Variants in GLYATL3 observed in about 807,000 individuals in gnomAD.
GLYATL3 encodes glycine N-acyltransferase-like protein 3.
GLYATL3 carries 31 observed loss-of-function variants against 28.5 expected under a neutral mutation model. The observed-to-expected ratio is 1.09, with a 90% CI of 0.82 to 1.47. GLYATL3 has a LOEUF of 1.47. Among genes scored for constraint, GLYATL3 ranks in the 40% most tolerant of loss-of-function variants. GLYATL3 has a pLI of 0.00. For synonymous variants in GLYATL3, 141 were observed against 140.2 expected, an observed-to-expected ratio of 1.01 and a Z score of -0.04; for missense variants, 369 against 351.5, an observed-to-expected ratio of 1.05 and a Z score of -0.40.
chr6:49,508,368 A>G (rs574813251), intron 1 of GLYATL3, among the ~76,000 whole-genome samples: 1 of 152,324 alleles, frequency 6.6e-6, no homozygotes, highest in South Asian at 2.1e-4. Context: ...ATGATTAGCA[A>G]GATATTAATC....
At chr6:49,501,313 G>C (rs562546592) in intron 1 of GLYATL3, among the ~76,000 whole-genome samples, 7 of 152,276 alleles carry the variant, frequency 4.6e-5, no homozygotes, top group South Asian at 4.2e-4. Flanking sequence ...GCAATGCAAC[G>C]GGGCTCTCTC....
intron 1 of GLYATL3, among the ~76,000 whole-genome samples, chr6:49,508,979 A>C (rs1161352391): frequency 7.1e-6 from 1 of 139,962 alleles, no homozygotes; most frequent in Non-Finnish European, 1.6e-5. Context: ...TGTGTCAAAA[A>C]TAATAATAAT....
chr6:49,516,477 G>A (rs1769216903), intron 3 of GLYATL3, among the ~76,000 whole-genome samples: 1 of 152,042 alleles, frequency 6.6e-6, no homozygotes. Flanking sequence ...CATCTGCCCC[G>A]AGACCAAGGA....
Position 49,511,968 on chromosome 6 carries a change from G to C in GLYATL3, c.-23G>C, listed in dbSNP as rs776917224. 1 of 1,208,700 alleles carries C rather than the reference G, an allele frequency of 8.3e-7. No individual in the cohort carries two copies. The highest frequency in any genetic ancestry group is 1.5e-5 in the South Asian group (1 of 68,634). The allele number at this position is 1,208,700 out of a possible 1,614,324, so 74.9% of individuals were successfully genotyped here. On this transcript the variant is annotated 5_prime_UTR_variant, in exon 2 of 6. Coordinates refer to ENST00000371197, the MANE Select transcript of GLYATL3 (RefSeq NM_001010904.2). Reference sequence around the variant, plus strand: ...ACCTTCAAGTTTCTAATTAGGTGTGGAGTTGCAAGAGCTCTGGAAAAGATG... The same window carrying C: ...ACCTTCAAGTTTCTAATTAGGTGTGCAGTTGCAAGAGCTCTGGAAAAGATG...
In GLYATL3 at chr6:49,517,157, T is replaced by TAA. The variant is rs35821614; in HGVS notation, c.187-260_187-259dup. ...CCTTGCAACAGAGTGAGACTCTGTC[T>TAA]AAAAAAAAAAAAAAGAAAAGAAAGA... On this transcript the variant is annotated intron_variant, in intron 3 of 5. Coordinates refer to ENST00000371197, the MANE Select transcript of GLYATL3 (RefSeq NM_001010904.2). Among the ~76,000 whole-genome samples the TAA allele has an allele frequency of 4.5e-3, 611 of 134,468 alleles. 3 individuals are homozygous for TAA. Among genetic ancestry groups the TAA allele is most frequent in the Middle Eastern group, 0.012 (3 of 256 alleles). The allele number at this position is 134,468 out of a possible 152,430, so 88.2% of individuals were successfully genotyped here.
chr6:49,515,400 T>C lies in GLYATL3; in HGVS notation c.79-253T>C, dbSNP rs564097939. Among the ~76,000 whole-genome samples, 9 of 152,316 alleles carry C rather than the reference T, an allele frequency of 5.9e-5. No individual in the cohort carries two copies. The South Asian group carries it at 1.9e-3, about 32-fold the overall frequency. ...ATGAATTTGGTACCTCTCACTGCTA[T>C]CCTATAAAAAACTAGGTTTGGAAAG... On this transcript the variant is annotated intron_variant, in intron 2 of 5. Coordinates refer to ENST00000371197, the MANE Select transcript of GLYATL3 (RefSeq NM_001010904.2).
chr6:49,525,560 CAAAAAAAAAAAAAAAAAAAA>C (rs56711143), intron 5 of GLYATL3, among the ~76,000 whole-genome samples: 2 of 66,592 alleles, frequency 3.0e-5, no homozygotes, highest in Non-Finnish European at 2.6e-5. Context: ...GCAAGGCTCT[CAAAAAAAAAAAAAAAAAAAA>C]AAAAAAAAAA....
intron 1 of GLYATL3, among the ~76,000 whole-genome samples, chr6:49,509,283 T>A (rs892492390): frequency 1.3e-5 from 2 of 152,174 alleles, no homozygotes; most frequent in African/African-American, 4.8e-5. Flanking sequence ...TACAGTTAGG[T>A]TCCTGTCAGC....
intron 4 of GLYATL3, among the ~76,000 whole-genome samples, chr6:49,521,411 A>T (rs1386022358): frequency 6.6e-6 from 1 of 152,180 alleles, no homozygotes; most frequent in South Asian, 2.1e-4. Context: ...TTCTATGAAG[A>T]TCGTGATGAG....
chr6:49,501,719 C>T (rs1223349147), intron 1 of GLYATL3, among the ~76,000 whole-genome samples: 1 of 152,168 alleles, frequency 6.6e-6, no homozygotes, highest in Non-Finnish European at 1.5e-5. Context: ...GGATGTGAAG[C>T]TAGACAACTA....
chr6:49,502,378 C>G (rs1768930823), intron 1 of GLYATL3, among the ~76,000 whole-genome samples: 1 of 152,188 alleles, frequency 6.6e-6, no homozygotes, highest in South Asian at 2.1e-4. Context: ...GTGTGCTTGA[C>G]AGGCCTCAAA....
intron 2 of GLYATL3, among the ~76,000 whole-genome samples, chr6:49,513,218 T>G (rs1482434034): frequency 6.6e-6 from 1 of 152,234 alleles, no homozygotes; most frequent in East Asian, 1.9e-4. Context: ...TTGGAGTTTT[T>G]GGCTATGGAT....
intron 4 of GLYATL3, among the ~76,000 whole-genome samples, chr6:49,518,201 G>T (rs1769250549): frequency 6.6e-6 from 1 of 152,030 alleles, no homozygotes; most frequent in Non-Finnish European, 1.5e-5. Flanking sequence ...TGTTGTTGTT[G>T]TTGTTGAGAC....
intron 1 of GLYATL3, among the ~76,000 whole-genome samples, chr6:49,504,838 G>T (rs1257947722): frequency 6.6e-6 from 1 of 152,154 alleles, no homozygotes; most frequent in Non-Finnish European, 1.5e-5. Flanking sequence ...TTTAACATGA[G>T]AAGTGGCTTC....
chr6:49,520,832 T>C (rs1199781782), intron 4 of GLYATL3, among the ~76,000 whole-genome samples: 1 of 152,074 alleles, frequency 6.6e-6, no homozygotes, highest in Non-Finnish European at 1.5e-5. Context: ...CCTGGACTTA[T>C]AGGGAGACCC....
chr6:49,507,993 A>G (rs1769044016), intron 1 of GLYATL3, among the ~76,000 whole-genome samples: 1 of 152,178 alleles, frequency 6.6e-6, no homozygotes, highest in South Asian at 2.1e-4. Context: ...ATACAGAGAT[A>G]AGAATTTACA....
chr6:49,520,565 C>A (rs1177663210), intron 4 of GLYATL3, among the ~76,000 whole-genome samples: 2 of 152,176 alleles, frequency 1.3e-5, no homozygotes. Context: ...CACTGAAGAG[C>A]CTTACCAGTG....
chr6:49,514,667 C>CAA (rs5876117), intron 2 of GLYATL3, among the ~76,000 whole-genome samples: 3 of 151,810 alleles, frequency 2.0e-5, no homozygotes, highest in Non-Finnish European at 4.4e-5. Flanking sequence ...CGCATCTCTA[C>CAA]AAAAAAAATT....
In GLYATL3 at chr6:49,515,659, G is replaced by A. The variant is rs538421413; in HGVS notation, c.85G>A (p.Gly29Arg). The A allele has an allele frequency of 3.9e-6, 6 of 1,543,544 alleles. No homozygotes were observed. The highest frequency in any genetic ancestry group is 3.9e-5 in the Admixed American group (2 of 50,940). Residue 29 changes from glycine (G) to arginine (R), a missense_variant, in exon 3 of 6, where the codon GGA becomes AGA. Physicochemically the swap from Gly to Arg is moderately radical, Grantham distance 125. Transcript: ENST00000371197. ...TCTGGGTTATCTGACTCAGGTTTAC[G>A]GAGCGGTGATGAACATAAATCGTGG... The part of the protein sequence containing the change: ...SCFPESLKVY[G>R]AVMNINRGNP...
Sources: allele counts gnomAD v4.1 joint callset (sites outside exome capture counted in the v4.1 genomes callset), GRCh38; gene constraint gnomAD v4.1.1; transcripts MANE v1.5; gene names NCBI Gene and HGNC (gene_info 2026-07-23, HGNC 2026-07-21).